The following CAST variants were observed in gnomAD, a reference collection of about 807,000 sequenced individuals.
CAST encodes the protein MIR583 host.
A neutral mutation model predicts 119.6 loss-of-function variants in CAST; 76 were observed. The observed-to-expected ratio is 0.64, with a 90% CI of 0.53 to 0.77. CAST has a LOEUF of 0.77. Ranked by LOEUF, CAST falls within the 30% of genes least tolerant of loss-of-function variation. CAST has a pLI of 0.00. For synonymous variants in CAST, 319 were observed against 331.6 expected, an observed-to-expected ratio of 0.96 and a Z score of 0.41; for missense variants, 953 against 946.5, an observed-to-expected ratio of 1.01 and a Z score of -0.09.
chr5:96,448,163 T>G, the CAST span, among the ~76,000 whole-genome samples: 1 of 152,216 alleles, frequency 6.6e-6, no homozygotes. Flanking sequence ...CTCATTGCTA[T>G]CCTAGGTGAA....
chr5:96,214,770 A>G, the CAST span: 1 of 152,186 alleles, frequency 6.6e-6, no homozygotes, highest in Non-Finnish European at 1.5e-5. Context: ...ACCAAGACAC[A>G]AGAAGATTGT....
the CAST span, chr5:96,278,849 T>C: frequency 2.6e-5 from 4 of 152,206 alleles, no homozygotes; most frequent in South Asian, 2.1e-4. Flanking sequence ...CATGTATATA[T>C]ACATATGCAT....
chr5:96,302,972 G>A, the CAST span, among the ~76,000 whole-genome samples: 1 of 152,092 alleles, frequency 6.6e-6, no homozygotes, highest in Non-Finnish European at 1.5e-5. Context: ...CACTTCTCCA[G>A]TACCAATTTT....
the CAST span, among the ~76,000 whole-genome samples, chr5:95,983,308 G>A: frequency 6.6e-3 from 1,000 of 152,200 alleles, 10 homozygotes; most frequent in African/African-American, 0.022. Context: ...GTTGCAAGAG[G>A]GCTCACTTTG....
the CAST span, among the ~76,000 whole-genome samples, chr5:96,411,269 G>A: frequency 1.5e-4 from 23 of 152,168 alleles, no homozygotes; most frequent in Non-Finnish European, 1.6e-4. Context: ...TTTTGCACTT[G>A]CTCATATTTT....
At chr5:96,612,446 G>A (rs1345252993) in intron 1 of CAST, among the ~76,000 whole-genome samples, 1 of 152,136 alleles carries the variant, frequency 6.6e-6, no homozygotes, top group Non-Finnish European at 1.5e-5. Flanking sequence ...GGAGGAAAGA[G>A]AGCAAGAGTT....
At chr5:96,417,849 C>T in the CAST span, among the ~76,000 whole-genome samples, 1 of 152,320 alleles carries the variant, frequency 6.6e-6, no homozygotes, top group Admixed American at 6.5e-5. Flanking sequence ...TGGATGAACG[C>T]TCTTTGCCTT....
At chr5:95,997,496 C>A in the CAST span, among the ~76,000 whole-genome samples, 16 of 152,200 alleles carry the variant, frequency 1.1e-4, no homozygotes, top group East Asian at 2.5e-3. Flanking sequence ...TCTTTGTCTG[C>A]CCAAGTTTGT....
the CAST span, among the ~76,000 whole-genome samples, chr5:96,435,500 G>T: frequency 1.3e-5 from 2 of 152,222 alleles, no homozygotes; most frequent in Non-Finnish European, 2.9e-5. Flanking sequence ...AGTAGATTTA[G>T]AATCCATTTT....
the CAST span, among the ~76,000 whole-genome samples, chr5:96,365,740 C>A: frequency 3.3e-5 from 5 of 152,268 alleles, no homozygotes; most frequent in Non-Finnish European, 7.4e-5. Context: ...GATGGGTCTC[C>A]TGAATATAGC....
the CAST span, among the ~76,000 whole-genome samples, chr5:96,275,475 T>A: frequency 6.6e-6 from 1 of 152,216 alleles, no homozygotes; most frequent in African/African-American, 2.4e-5. Flanking sequence ...AGTTGGCTGC[T>A]GTAACATGCT....
the CAST span, among the ~76,000 whole-genome samples, chr5:96,338,056 A>T: frequency 2.6e-5 from 4 of 152,186 alleles, no homozygotes; most frequent in African/African-American, 7.2e-5. Flanking sequence ...ATGAGAAATG[A>T]AAGGAGTAAA....
At chr5:96,168,581 T>C in the CAST span, among the ~76,000 whole-genome samples, 42 of 152,298 alleles carry the variant, frequency 2.8e-4, no homozygotes. Context: ...GAAGATACTA[T>C]AGCATAGCTT....
At chr5:96,718,456 G>A (rs1757573247) in intron 3 of CAST, among the ~76,000 whole-genome samples, 1 of 151,946 alleles carries the variant, frequency 6.6e-6, no homozygotes, top group Non-Finnish European at 1.5e-5. Context: ...CTTATCACCT[G>A]GGCGATGAAA....
At chr5:96,148,347 A>G in the CAST span, among the ~76,000 whole-genome samples, 16 of 152,302 alleles carry the variant, frequency 1.1e-4, no homozygotes, top group South Asian at 3.1e-3. Context: ...TGTTCGGCAC[A>G]CTAAAATACT....
the CAST span, among the ~76,000 whole-genome samples, chr5:96,446,526 A>G: frequency 6.6e-6 from 1 of 152,226 alleles, no homozygotes; most frequent in Admixed American, 6.5e-5. Context: ...CAGCAGCAGG[A>G]ATTGCTTCAG....
At chr5:96,675,262 G>T (rs192673523) in intron 1 of CAST, among the ~76,000 whole-genome samples, 200 of 152,242 alleles carry the variant, frequency 1.3e-3, no homozygotes, top group African/African-American at 4.1e-3. Context: ...CTTAAAATTC[G>T]TGAGGCATTT....
At chr5:96,497,289 T>A in the CAST span, among the ~76,000 whole-genome samples, 1 of 152,174 alleles carries the variant, frequency 6.6e-6, no homozygotes, top group Non-Finnish European at 1.5e-5. Context: ...GTTCCAAGTC[T>A]TTGCTATTGT....
chr5:96,449,267 G>A, the CAST span, among the ~76,000 whole-genome samples: 2 of 152,092 alleles, frequency 1.3e-5, no homozygotes, highest in Non-Finnish European at 2.9e-5. Context: ...CAACCCTAAG[G>A]CCATGGAACA....
Sources: allele counts gnomAD v4.1 joint callset (sites outside exome capture counted in the v4.1 genomes callset), GRCh38; gene constraint gnomAD v4.1.1; transcripts MANE v1.5; gene names NCBI Gene and HGNC (gene_info 2026-07-23, HGNC 2026-07-21).